The following HECW1 variants were observed in gnomAD, a reference collection of about 807,000 sequenced individuals.
The protein encoded by HECW1 is E3 ubiquitin-protein ligase HECW1.
HECW1 carries 61 observed loss-of-function variants against 182.3 expected under a neutral mutation model. The observed-to-expected ratio is 0.33, with a 90% confidence interval of 0.27 to 0.41. The LOEUF (loss-of-function observed/expected upper bound fraction) is 0.41, where lower values mean the gene tolerates loss of function less well. HECW1 is among the 10% of genes least tolerant of loss of function. HECW1 has a pLI of 1.00. For synonymous variants in HECW1, 859 were observed against 832.6 expected, an observed-to-expected ratio of 1.03 and a Z score of -0.55; for missense variants, 1,739 against 2,108.9, an observed-to-expected ratio of 0.82 and a Z score of 3.44.
intron 24 of HECW1, among the ~76,000 whole-genome samples, chr7:43,529,456 G>A (rs1280647441): frequency 1.3e-5 from 2 of 152,110 alleles, no homozygotes; most frequent in Non-Finnish European, 2.9e-5. Context: ...TTCCAAGAAA[G>A]GGTACAATTC....
chr7:43,553,523 G>T (rs1044258450), intron 28 of HECW1, among the ~76,000 whole-genome samples: 33 of 152,092 alleles, frequency 2.2e-4, no homozygotes, highest in African/African-American at 7.7e-4. Flanking sequence ...ACAAAAATTA[G>T]CCAGGTGTGG....
chr7:43,352,874 C>G (rs893114328), intron 5 of HECW1, among the ~76,000 whole-genome samples: 1 of 152,130 alleles, frequency 6.6e-6, no homozygotes, highest in Admixed American at 6.5e-5. Context: ...TTTACTTACT[C>G]AGGTCTCCTA....
intron 2 of HECW1, among the ~76,000 whole-genome samples, chr7:43,158,079 T>C (rs1198687846): frequency 1.3e-5 from 2 of 152,214 alleles, no homozygotes; most frequent in East Asian, 1.9e-4. Context: ...TTGATTGAGA[T>C]AATTCAGGAA....
intron 24 of HECW1, among the ~76,000 whole-genome samples, chr7:43,526,357 C>T (rs1320738129): frequency 2.6e-5 from 4 of 152,154 alleles, no homozygotes; most frequent in Non-Finnish European, 4.4e-5. Context: ...GCATGAGGGC[C>T]TTGTCTATTA....
chr7:43,354,994 A>G (rs1562877463), intron 5 of HECW1, among the ~76,000 whole-genome samples: 2 of 151,680 alleles, frequency 1.3e-5, no homozygotes, highest in Non-Finnish European at 2.9e-5. Flanking sequence ...ATAGAGACCA[A>G]GAGGGAGTGA....
At chr7:43,526,745 A>T (rs13239072) in intron 24 of HECW1, among the ~76,000 whole-genome samples, 1 of 152,098 alleles carries the variant, frequency 6.6e-6, no homozygotes, top group Non-Finnish European at 1.5e-5. Flanking sequence ...TCACGCCTGT[A>T]ATCCCAACAC....
At chr7:43,455,243 C>A (rs1004784664) in intron 12 of HECW1, among the ~76,000 whole-genome samples, 5 of 152,112 alleles carry the variant, frequency 3.3e-5, no homozygotes, top group Admixed American at 2.0e-4. Flanking sequence ...TTCCTAGTTA[C>A]TGGTTTCGTT....
chr7:43,441,975 C>A, intron 9 of HECW1, among the ~76,000 whole-genome samples: 1 of 152,182 alleles, frequency 6.6e-6, no homozygotes, highest in East Asian at 1.9e-4. Context: ...CAGCAGAAAC[C>A]ATACATCGAA....
In HECW1 at chr7:43,179,798, A is replaced by T. The variant is rs531116073; in HGVS notation, c.-31-64077A>T. Among the ~76,000 whole-genome samples the T allele has an allele frequency of 3.2e-4, 49 of 152,360 alleles. 1 individual carries two copies. The highest frequency in any genetic ancestry group is 2.5e-3 in the South Asian group (12 of 4,822). ...ATAGTAGCCCATACCTCAGTGTTAT[A>T]TAAAAGAGCCTAAGGGAGAGTTCAT... On this transcript the variant is annotated intron_variant, in intron 2 of 29. Coordinates refer to ENST00000395891, the MANE Select transcript of HECW1 (RefSeq NM_015052.5).
chr7:43,219,580 T>A (rs111475759), intron 2 of HECW1, among the ~76,000 whole-genome samples: 2 of 152,092 alleles, frequency 1.3e-5, no homozygotes, highest in Non-Finnish European at 2.9e-5. Context: ...GAGAGGGTCA[T>A]GATCGATTGA....
chr7:43,374,981 C>G (rs910272742), intron 6 of HECW1, among the ~76,000 whole-genome samples: 2 of 151,812 alleles, frequency 1.3e-5, no homozygotes, highest in Non-Finnish European at 2.9e-5. Flanking sequence ...CAATAATAAT[C>G]CAATACACAG....
At chr7:43,516,040 G>A (rs6463195) in intron 24 of HECW1, among the ~76,000 whole-genome samples, 39,917 of 152,138 alleles carry the variant, frequency 0.26, 5,302 homozygotes, top group South Asian at 0.34. Flanking sequence ...TCTTTCCTGA[G>A]CACTCAATTT....
intron 17 of HECW1, among the ~76,000 whole-genome samples, chr7:43,491,665 T>C (rs1302588523): frequency 1.3e-5 from 2 of 152,178 alleles, no homozygotes; most frequent in Non-Finnish European, 2.9e-5. Flanking sequence ...TGATTTCGGC[T>C]CACAGCAACC....
intron 5 of HECW1, among the ~76,000 whole-genome samples, 179 bp from the exon 6 acceptor site, chr7:43,360,705 TCA>T (rs1815761380): frequency 6.6e-6 from 1 of 152,174 alleles, no homozygotes; most frequent in African/African-American, 2.4e-5. Flanking sequence ...ATTTTTCATG[TCA>T]CAGTTTTAAG....
At chr7:43,459,055 G>A (rs1276367908) in intron 13 of HECW1, among the ~76,000 whole-genome samples, 1 of 152,138 alleles carries the variant, frequency 6.6e-6, no homozygotes, top group Non-Finnish European at 1.5e-5. Context: ...TTATGGCTTG[G>A]CCACATGCTC....
chr7:43,419,840 C>T (rs771195361), intron 8 of HECW1, among the ~76,000 whole-genome samples: 16 of 152,198 alleles, frequency 1.1e-4, no homozygotes, highest in African/African-American at 1.7e-4. Flanking sequence ...CACGAGAGTA[C>T]GCCGAACAAA....
At chr7:43,537,310 T>G (rs1011043675) in intron 24 of HECW1, among the ~76,000 whole-genome samples, 4 of 152,228 alleles carry the variant, frequency 2.6e-5, no homozygotes, top group African/African-American at 9.6e-5. Context: ...GCCAAGTAAC[T>G]TAGCTCGAAA....
intron 2 of HECW1, among the ~76,000 whole-genome samples, chr7:43,169,842 TTCC>T (rs1791501240): frequency 6.6e-6 from 1 of 152,268 alleles, no homozygotes; most frequent in East Asian, 1.9e-4. Context: ...ACATCTCATC[TTCC>T]TCCTCATGAT....
intron 6 of HECW1, among the ~76,000 whole-genome samples, chr7:43,361,617 C>T (rs1040595625): frequency 1.3e-5 from 2 of 152,086 alleles, no homozygotes; most frequent in African/African-American, 2.4e-5. Flanking sequence ...TAATAGATGC[C>T]ATCTTCCTAA....
Sources: gnomAD v4.1 joint callset for allele counts (sites outside exome capture counted in the v4.1 genomes callset) on GRCh38, gnomAD v4.1.1 for gene constraint, MANE v1.5 for transcripts, NCBI Gene and HGNC (gene_info 2026-07-23, HGNC 2026-07-21) for gene names.